The following DYRK1A variants were observed in gnomAD, a reference collection of about 807,000 sequenced individuals.
DYRK1A encodes the protein dual specificity tyrosine phosphorylation regulated kinase 1A.
DYRK1A carries 9 observed loss-of-function variants against 79.7 expected under a neutral mutation model. The observed-to-expected ratio is 0.11, with a 90% CI of 0.07 to 0.20. The LOEUF is 0.20. Among genes scored for constraint, DYRK1A ranks in the 10% least tolerant of loss-of-function variants. DYRK1A has a pLI of 1.00. For missense variants in DYRK1A, 622 were observed against 956.0 expected, an observed-to-expected ratio of 0.65 and a Z score of 4.61; for synonymous variants, 349 against 329.7, an observed-to-expected ratio of 1.06 and a Z score of -0.63.
intron 2 of DYRK1A, among the ~76,000 whole-genome samples, chr21:37,460,610 A>T (rs767191009): frequency 1.3e-5 from 2 of 152,168 alleles, no homozygotes; most frequent in African/African-American, 4.8e-5. Context: ...TTTGTTTCCA[A>T]ACGTCCCTAC....
At chr21:37,488,603 G>A (rs1027567589) in intron 6 of DYRK1A, 4 of 985,296 alleles carry the variant, frequency 4.1e-6, no homozygotes, top group East Asian at 1.1e-4. Flanking sequence ...TAAAAAGACT[G>A]AACAAATATG....
At chr21:37,449,250 G>GT (rs2051367733) in intron 2 of DYRK1A, among the ~76,000 whole-genome samples, 1 of 152,128 alleles carries the variant, frequency 6.6e-6, no homozygotes, top group Non-Finnish European at 1.5e-5. Flanking sequence ...ATTTACTAAG[G>GT]TAAGCTAACT....
At chr21:37,472,440 C>T (rs2052256118) in intron 2 of DYRK1A, among the ~76,000 whole-genome samples, 1 of 152,070 alleles carries the variant, frequency 6.6e-6, no homozygotes. Flanking sequence ...GTTGCTGTTG[C>T]TTTACAAAAA....
chr21:37,416,677 C>G (rs1323448852), intron 1 of DYRK1A, among the ~76,000 whole-genome samples: 1 of 152,038 alleles, frequency 6.6e-6, no homozygotes, highest in Non-Finnish European at 1.5e-5. Context: ...TAGATAATGA[C>G]ATAAGTTTAA....
chr21:37,377,040 C>G (rs2049558272), intron 1 of DYRK1A, among the ~76,000 whole-genome samples: 1 of 152,090 alleles, frequency 6.6e-6, no homozygotes, highest in Non-Finnish European at 1.5e-5. Context: ...TGTGTATGTA[C>G]ACAGTGTCTG....
At chr21:37,418,193 A>C (rs1478482633) in intron 1 of DYRK1A, among the ~76,000 whole-genome samples, 2 of 152,182 alleles carry the variant, frequency 1.3e-5, no homozygotes, top group Admixed American at 1.3e-4. Context: ...TAGAGTCCTT[A>C]TTTAAAGTAA....
chr21:37,456,736 C>T (rs2051651218), intron 2 of DYRK1A, among the ~76,000 whole-genome samples: 1 of 152,140 alleles, frequency 6.6e-6, no homozygotes, highest in Non-Finnish European at 1.5e-5. Flanking sequence ...ATGCTTAGGG[C>T]CGTGGTGGAG....
intron 1 of DYRK1A, among the ~76,000 whole-genome samples, chr21:37,386,272 G>A (rs531134475): frequency 3.9e-5 from 6 of 152,046 alleles, no homozygotes; most frequent in Non-Finnish European, 2.9e-5. Flanking sequence ...AATGTAGTGC[G>A]CTTGAATCAT....
intron 2 of DYRK1A, among the ~76,000 whole-genome samples, chr21:37,466,630 A>G (rs559078131): frequency 6.6e-6 from 1 of 152,192 alleles, no homozygotes; most frequent in African/African-American, 2.4e-5. Context: ...CTGATAACAG[A>G]TAAAGCAAAA....
At chr21:37,488,495 C>T in intron 6 of DYRK1A, 2 of 849,852 alleles carry the variant, frequency 2.4e-6, no homozygotes. Flanking sequence ...AATTTCTTAT[C>T]TGGATTATTT....
rs2053571059 is a variant in DYRK1A at position 37,505,551 on chromosome 21, A to C, written c.1481A>C (p.Gln494Pro). Residue 494 changes from glutamine to proline, a missense_variant, in exon 10 of 12, where the codon CAG becomes CCG. Coordinates refer to ENST00000647188, the MANE Select transcript of DYRK1A (RefSeq NM_001347721.2). ...VSTSPAMEQS[Q>P]SSGTTSSTSS... is the part of the protein sequence containing the mutation. ...ACAAGCCCCGCCATGGAGCAGTCTC[A>C]GTCTTCGGGCACCACCTCCAGTACA... 6.2e-7 allele frequency: 1 copy of C among 1,609,530 alleles called. No individual in the cohort carries two copies. The highest frequency in any genetic ancestry group is 1.7e-5 in the Admixed American group (1 of 60,002).
intron 2 of DYRK1A, among the ~76,000 whole-genome samples, chr21:37,436,354 G>A (rs754168868): frequency 3.3e-5 from 5 of 152,138 alleles, no homozygotes; most frequent in Admixed American, 6.5e-5. Flanking sequence ...AGGACTCCGG[G>A]GCCTTAGGTG....
intron 9 of DYRK1A, among the ~76,000 whole-genome samples, chr21:37,499,536 A>T (rs2053376660): frequency 6.6e-6 from 1 of 152,202 alleles, no homozygotes. Flanking sequence ...AACAATATTA[A>T]GTCTTCCACT....
At chr21:37,497,239 CTT>C (rs2053299224) in intron 9 of DYRK1A, among the ~76,000 whole-genome samples, 2 of 152,170 alleles carry the variant, frequency 1.3e-5, no homozygotes, top group African/African-American at 4.8e-5. Context: ...GGAGTCATAA[CTT>C]TTAATATCAG....
At chr21:37,439,768 T>G (rs1372062506) in intron 2 of DYRK1A, among the ~76,000 whole-genome samples, 1 of 152,220 alleles carries the variant, frequency 6.6e-6, no homozygotes, top group East Asian at 1.9e-4. Flanking sequence ...GAAAGATACC[T>G]TCTATTTCTA....
At chr21:37,434,694 T>G (rs1027715210) in intron 2 of DYRK1A, among the ~76,000 whole-genome samples, 4 of 152,182 alleles carry the variant, frequency 2.6e-5, no homozygotes, top group Admixed American at 2.0e-4. Flanking sequence ...CTTAATTGGG[T>G]TTTATTTTAA....
At position 37,521,541 on chromosome 21, in the gene DYRK1A, T is replaced by C. The variant is rs2053935383; in HGVS notation, c.*9010T>C. 1 of 152,256 alleles carries C rather than the reference T, an allele frequency of 6.6e-6. No homozygotes were observed. The highest frequency in any genetic ancestry group is 2.4e-5 in the African/African-American group (1 of 41,458). The allele number at this position is 152,256 out of a possible 1,614,324, so 9.4% of individuals were successfully genotyped here. ...AAAAGCATGTCACATTTTGTTGTTA[T>C]AAGTGGGAAAGATAAGTAATTACAA... is the stretch of plus-strand genomic sequence containing the variant. On this transcript the variant is annotated 3_prime_UTR_variant, in exon 12 of 12. Transcript: ENST00000647188.
At chr21:37,490,873 GTAAC>G (rs1015161304) in intron 7 of DYRK1A, among the ~76,000 whole-genome samples, 1 of 152,046 alleles carries the variant, frequency 6.6e-6, no homozygotes, top group African/African-American at 2.4e-5. Flanking sequence ...TAGGGGATTT[GTAAC>G]TATATTTCCC....
intron 1 of DYRK1A, among the ~76,000 whole-genome samples, chr21:37,380,543 C>T (rs1024820526): frequency 1.2e-4 from 18 of 151,958 alleles, no homozygotes; most frequent in Non-Finnish European, 1.6e-4. Flanking sequence ...AGAAGCCAGG[C>T]GTTTTAAGAT....
Sources: gnomAD v4.1 joint callset for allele counts (sites outside exome capture counted in the v4.1 genomes callset) on GRCh38, gnomAD v4.1.1 for gene constraint, MANE v1.5 for transcripts, NCBI Gene and HGNC (gene_info 2026-07-23, HGNC 2026-07-21) for gene names.